The following FABP6 variants were observed in gnomAD, a reference collection of about 807,000 sequenced individuals.
The protein encoded by FABP6 is gastrotropin.
In FABP6, 13 loss-of-function variants were observed where a neutral mutation model predicts 14.9. The ratio of observed to expected loss-of-function variants is 0.87; its 90% CI spans 0.57 to 1.39. The LOEUF (loss-of-function observed/expected upper bound fraction) is 1.39, where lower values mean the gene tolerates loss of function less well. FABP6 is among the 40% of genes most tolerant of loss of function. FABP6 has a pLI of 0.00. For synonymous variants in FABP6, 75 were observed against 63.6 expected (o/e 1.18, Z -0.85); for missense variants, 161 against 167.2 (o/e 0.96, Z 0.20).
At chr5:160,218,523 C>T (rs1283922876) in intron 3 of FABP6, among the ~76,000 whole-genome samples, 1 of 136,422 alleles carries the variant, frequency 7.3e-6, no homozygotes, top group Non-Finnish European at 1.5e-5. Flanking sequence ...TGCAAAGGCG[C>T]GATCTCAGCT....
chr5:160,235,997 C>T (rs1419596195), intron 3 of FABP6, among the ~76,000 whole-genome samples: 2 of 150,442 alleles, frequency 1.3e-5, no homozygotes, highest in East Asian at 2.0e-4. Flanking sequence ...GGCAGGGAGA[C>T]GTCATCTCTC....
At chr5:160,198,967 A>G in intron 1 of FABP6, 2 of 851,342 alleles carry the variant, frequency 2.3e-6, no homozygotes. Flanking sequence ...AGTCAATAAA[A>G]TGGATTGAAT....
At chr5:160,208,424 C>G (rs1759814485) in intron 2 of FABP6, among the ~76,000 whole-genome samples, 1 of 151,890 alleles carries the variant, frequency 6.6e-6, no homozygotes, top group African/African-American at 2.4e-5. Flanking sequence ...GGTGACAGAA[C>G]AAGATGCTGT....
chr5:160,205,061 T>C (rs1159553438), intron 2 of FABP6, among the ~76,000 whole-genome samples: 1 of 152,030 alleles, frequency 6.6e-6, no homozygotes, highest in Non-Finnish European at 1.5e-5. Flanking sequence ...ACTGAAAGTT[T>C]CTCAGAGAAT....
chr5:160,225,766 A>C (rs1760231282), upstream of FABP6, among the ~76,000 whole-genome samples: 1 of 152,160 alleles, frequency 6.6e-6, no homozygotes, highest in Non-Finnish European at 1.5e-5. Context: ...AGAAAAATAG[A>C]ATACAATATT....
At chr5:160,227,820 G>A (rs1180601873), upstream of FABP6, among the ~76,000 whole-genome samples, 1 of 109,384 alleles carries the variant, frequency 9.1e-6, no homozygotes, top group East Asian at 2.9e-4. Flanking sequence ...AATCCATGAC[G>A]TGTGTGTGTG....
At chr5:160,229,385 C>T (rs773899491), upstream of FABP6, 5 of 1,446,322 alleles carry the variant, frequency 3.5e-6, no homozygotes, top group South Asian at 2.9e-5. Context: ...CAGGTCCTGC[C>T]CACATCATAA....
chr5:160,228,809 C>A, upstream of FABP6: 1 of 282,260 alleles, frequency 3.5e-6, no homozygotes, highest in Non-Finnish European at 7.1e-6. Flanking sequence ...TGTTTCCTTT[C>A]ATCATGGCCC....
intron 2 of FABP6, among the ~76,000 whole-genome samples, chr5:160,199,873 C>T (rs1338838633): frequency 6.6e-6 from 1 of 152,188 alleles, no homozygotes; most frequent in Non-Finnish European, 1.5e-5. Context: ...AGAGACAGGC[C>T]GTCCTACAAG....
At position 160,204,134 on chromosome 5, in the gene FABP6, A is replaced by G. The variant is rs575516643; in HGVS notation, c.51+4977A>G. On this transcript the variant is annotated intron_variant, in intron 2 of 6. Coordinates refer to the FABP6 transcript ENST00000393980. ...AGCCTAGGCAATAGAGTGAGACTCC[A>G]TCTCAAAAAAAAAAAAAAAAAAATA... Among the ~76,000 whole-genome samples the G allele has an allele frequency of 7.1e-3, 841 of 119,126 alleles. 9 individuals carry two copies. The highest frequency in any genetic ancestry group is 0.02 in the African/African-American group (600 of 30,026). 78.2% of individuals were successfully genotyped at this position (119,126 alleles called of 152,430 possible).
At chr5:160,204,010 A>G (rs1027690563) in intron 2 of FABP6, among the ~76,000 whole-genome samples, 1 of 151,994 alleles carries the variant, frequency 6.6e-6, no homozygotes, top group Non-Finnish European at 1.5e-5. Flanking sequence ...CTCAGACACT[A>G]TATTTCATCT....
At chr5:160,210,370 C>T (rs544269661) in intron 2 of FABP6, among the ~76,000 whole-genome samples, 2 of 152,192 alleles carry the variant, frequency 1.3e-5, no homozygotes, top group South Asian at 4.1e-4. Flanking sequence ...GATAACCTAT[C>T]AGTGACTGCT....
At chr5:160,190,662 C>T (rs1019624166) in intron 1 of FABP6, among the ~76,000 whole-genome samples, 2 of 152,186 alleles carry the variant, frequency 1.3e-5, no homozygotes, top group African/African-American at 4.8e-5. Flanking sequence ...TTGCATGGGC[C>T]CTAAGTCTAG....
chr5:160,203,824 C>T (rs181290098), intron 2 of FABP6, among the ~76,000 whole-genome samples: 1 of 151,926 alleles, frequency 6.6e-6, no homozygotes, highest in Admixed American at 6.6e-5. Flanking sequence ...GCCTCAGCCT[C>T]TCAAGTAGCT....
chr5:160,192,428 T>G (rs552093389), intron 1 of FABP6, among the ~76,000 whole-genome samples: 1 of 152,332 alleles, frequency 6.6e-6, no homozygotes, highest in East Asian at 1.9e-4. Context: ...CAAGGTTAGC[T>G]CCATTCCTGC....
chr5:160,198,481 A>T (rs1370120778), intron 1 of FABP6: 2 of 152,426 alleles, frequency 1.3e-5, no homozygotes, highest in African/African-American at 4.8e-5. Context: ...GTTCTCCAGG[A>T]AGCAGATGGA....
At chr5:160,211,285 G>A (rs1254207141) in intron 2 of FABP6, among the ~76,000 whole-genome samples, 1 of 151,976 alleles carries the variant, frequency 6.6e-6, no homozygotes, top group Non-Finnish European at 1.5e-5. Flanking sequence ...TCAGTTAAGA[G>A]CCTCCACTGG....
intron 2 of FABP6, among the ~76,000 whole-genome samples, chr5:160,204,407 C>T (rs1350341074): frequency 1.3e-5 from 2 of 152,156 alleles, no homozygotes; most frequent in South Asian, 2.1e-4. Flanking sequence ...ACGAAGGGCA[C>T]ACAATGAGTG....
chr5:160,218,585 T>C (rs1045126517), intron 3 of FABP6, among the ~76,000 whole-genome samples: 6 of 150,138 alleles, frequency 4.0e-5, no homozygotes, highest in Admixed American at 1.3e-4. Context: ...CTCAGCCTCC[T>C]GAGTAGCTGG....
Sources: allele counts gnomAD v4.1 joint callset (sites outside exome capture counted in the v4.1 genomes callset), GRCh38; gene constraint gnomAD v4.1.1; transcripts MANE v1.5; gene names NCBI Gene and HGNC (gene_info 2026-07-23, HGNC 2026-07-21).